Variants in EDIL3 observed in about 807,000 individuals in gnomAD.
EDIL3 encodes EGF-like repeat and discoidin I-like domain-containing protein 3.
A neutral mutation model predicts 67.4 loss-of-function variants in EDIL3; 37 were observed. The ratio of observed to expected loss-of-function variants is 0.55; its 90% CI spans 0.42 to 0.72. The LOEUF (loss-of-function observed/expected upper bound fraction) is 0.72, where lower values mean the gene tolerates loss of function less well. EDIL3 is among the 30% of genes least tolerant of loss of function. The pLI, the probability that EDIL3 is intolerant of heterozygous loss-of-function variation, is 0.00. For missense variants in EDIL3, 527 were observed against 586.3 expected, an observed-to-expected ratio of 0.90 and a Z score of 1.04; for synonymous variants, 195 against 196.3, an observed-to-expected ratio of 0.99 and a Z score of 0.05.
chr5:83,960,386 T>C (rs577460171), intron 10 of EDIL3, among the ~76,000 whole-genome samples: 3 of 151,274 alleles, frequency 2.0e-5, no homozygotes, highest in African/African-American at 7.2e-5. Flanking sequence ...GAGTCTATTT[T>C]TTCTTAACAA....
intron 9 of EDIL3, among the ~76,000 whole-genome samples, chr5:84,056,867 T>C (rs1281081567): frequency 6.6e-6 from 1 of 152,042 alleles, no homozygotes; most frequent in African/African-American, 2.4e-5. Context: ...GACCTCTATG[T>C]TACCTCTATA....
intron 4 of EDIL3, among the ~76,000 whole-genome samples, chr5:84,179,319 A>G (rs1748974812): frequency 6.6e-6 from 1 of 152,160 alleles, no homozygotes; most frequent in Admixed American, 6.5e-5. Context: ...GAGAAAAATC[A>G]ATAGCTTTTC....
At chr5:83,970,684 T>TATATATA (rs1491469489) in intron 9 of EDIL3, among the ~76,000 whole-genome samples, 63 of 131,440 alleles carry the variant, frequency 4.8e-4, no homozygotes, top group African/African-American at 1.5e-3. Flanking sequence ...TATATATATA[T>TATATATA]TTAAGAACAT....
At chr5:83,980,534 A>C (rs1471464715) in intron 9 of EDIL3, among the ~76,000 whole-genome samples, 2 of 151,718 alleles carry the variant, frequency 1.3e-5, no homozygotes, top group Non-Finnish European at 2.9e-5. Flanking sequence ...CTAAAAATAC[A>C]AAAATTAGCT....
chr5:84,295,117 G>A (rs1746020048), intron 1 of EDIL3, among the ~76,000 whole-genome samples: 1 of 151,916 alleles, frequency 6.6e-6, no homozygotes, highest in Non-Finnish European at 1.5e-5. Context: ...ACAGTTATAA[G>A]AAAATGAAAA....
At chr5:84,116,191 C>CA (rs71605896) in intron 5 of EDIL3, among the ~76,000 whole-genome samples, 5,428 of 116,288 alleles carry the variant, frequency 0.047, 247 homozygotes, top group East Asian at 0.12. Context: ...TTCCAGAGGT[C>CA]AAAAAAAAAA....
chr5:84,058,434 T>C (rs1746486904), intron 9 of EDIL3, among the ~76,000 whole-genome samples: 1 of 152,066 alleles, frequency 6.6e-6, no homozygotes. Context: ...ACGGAAAAGC[T>C]GGTTAAGAAG....
intron 3 of EDIL3, among the ~76,000 whole-genome samples, chr5:84,215,378 C>T (rs1033940402): frequency 2.6e-5 from 4 of 152,026 alleles, no homozygotes; most frequent in South Asian, 4.2e-4. Flanking sequence ...CTCAGCCTCC[C>T]GAGTAGCTGG....
chr5:84,216,042 G>A (rs1580381552), intron 3 of EDIL3, among the ~76,000 whole-genome samples: 1 of 152,164 alleles, frequency 6.6e-6, no homozygotes, highest in African/African-American at 2.4e-5. Flanking sequence ...AAATCCATGA[G>A]TGAGAAGATG....
chr5:84,290,094 T>C (rs1745883018), intron 1 of EDIL3, among the ~76,000 whole-genome samples: 1 of 152,144 alleles, frequency 6.6e-6, no homozygotes, highest in Non-Finnish European at 1.5e-5. Context: ...TGTTGGATCC[T>C]GAAAGCTCAC....
chr5:84,267,295 C>T (rs1308879939), intron 1 of EDIL3, among the ~76,000 whole-genome samples: 2 of 152,208 alleles, frequency 1.3e-5, no homozygotes, highest in Non-Finnish European at 2.9e-5. Flanking sequence ...CATTAATCTT[C>T]TCATCACTTG....
chr5:84,054,217 T>A (rs193124300), intron 9 of EDIL3, among the ~76,000 whole-genome samples: 1,746 of 152,168 alleles, frequency 0.011, 45 homozygotes, highest in African/African-American at 0.039. Context: ...CCACATGATT[T>A]TCTCAATAGA....
chr5:84,208,401 C>T (rs1034965804), intron 3 of EDIL3, among the ~76,000 whole-genome samples: 6 of 152,076 alleles, frequency 3.9e-5, no homozygotes, highest in Middle Eastern at 3.4e-3. Context: ...GGAAACAGGC[C>T]AGGCGCGGTG....
chr5:84,266,661 G>A (rs1334028178), intron 1 of EDIL3, among the ~76,000 whole-genome samples: 1 of 152,128 alleles, frequency 6.6e-6, no homozygotes, highest in African/African-American at 2.4e-5. Context: ...GGATAAAAAA[G>A]ATCTTGAACC....
chr5:84,264,729 A>ATTG (rs1745311530), intron 1 of EDIL3, among the ~76,000 whole-genome samples: 1 of 152,198 alleles, frequency 6.6e-6, no homozygotes, highest in Non-Finnish European at 1.5e-5. Context: ...ACAGCAGAGG[A>ATTG]CAAACTAAAA....
intron 1 of EDIL3, among the ~76,000 whole-genome samples, chr5:84,317,323 C>G (rs59313150): frequency 0.011 from 1,716 of 152,118 alleles, 28 homozygotes; most frequent in African/African-American, 0.038. Flanking sequence ...AATCCAGGAG[C>G]TGATTTTTTG....
chr5:84,321,746 G>A (rs1204082691), intron 1 of EDIL3, among the ~76,000 whole-genome samples: 1 of 152,072 alleles, frequency 6.6e-6, no homozygotes, highest in Non-Finnish European at 1.5e-5. Context: ...GAAAAATGAT[G>A]GGCAGCCATT....
At chr5:84,149,284 G>C (rs2112328205) in intron 4 of EDIL3, among the ~76,000 whole-genome samples, 1 of 152,230 alleles carries the variant, frequency 6.6e-6, no homozygotes, top group South Asian at 2.1e-4. Flanking sequence ...GCATTCACAG[G>C]GGAGCAAACT....
chr5:84,213,522 T>C lies in EDIL3; in HGVS notation c.226+16333A>G, dbSNP rs193225141. On this transcript the variant is annotated intron_variant, in intron 3 of 10. Coordinates refer to ENST00000296591, the MANE Select transcript of EDIL3 (RefSeq NM_005711.5). ...TCTTCGTTTTTACTATTGAGAAATG[T>C]ATAGCTCATTCTTTTTCAAGAGCTT... 1.8e-4 allele frequency among the ~76,000 whole-genome samples: 27 copies of C among 152,330 alleles called. No individual in the cohort carries two copies. In the East Asian group the frequency reaches 5.0e-3, roughly 28 times the overall value.
Sources: allele counts gnomAD v4.1 joint callset (sites outside exome capture counted in the v4.1 genomes callset), GRCh38; gene constraint gnomAD v4.1.1; transcripts MANE v1.5; gene names NCBI Gene and HGNC (gene_info 2026-07-23, HGNC 2026-07-21).